CTNND2: variants seen among roughly 807,000 people sequenced by gnomAD.
CTNND2 encodes catenin delta 2.
CTNND2 carries 22 observed loss-of-function variants against 144.4 expected under a neutral mutation model. The observed-to-expected ratio is 0.15, with a 90% CI of 0.11 to 0.22. CTNND2 has a LOEUF of 0.22. Ranked by LOEUF, CTNND2 falls within the 10% of genes least tolerant of loss-of-function variation. The pLI is 1.00. For synonymous variants in CTNND2, 751 were observed against 695.6 expected, an observed-to-expected ratio of 1.08 and a Z score of -1.25; for missense variants, 1,353 against 1,618.8, an observed-to-expected ratio of 0.84 and a Z score of 2.82.
At chr5:11,489,432 A>G (rs1437090419) in intron 3 of CTNND2, among the ~76,000 whole-genome samples, 1 of 152,218 alleles carries the variant, frequency 6.6e-6, no homozygotes, top group Non-Finnish European at 1.5e-5. Context: ...TAAGACATAA[A>G]AATATGGCTG....
intron 9 of CTNND2, among the ~76,000 whole-genome samples, chr5:11,299,874 C>T (rs1288990088): frequency 1.3e-5 from 2 of 152,174 alleles, no homozygotes; most frequent in Non-Finnish European, 2.9e-5. Flanking sequence ...TAAGGGAGAT[C>T]TGGCAAAGGC....
At chr5:11,395,097 C>T (rs1759967428) in intron 6 of CTNND2, among the ~76,000 whole-genome samples, 1 of 152,108 alleles carries the variant, frequency 6.6e-6, no homozygotes. Flanking sequence ...AGTATCACAC[C>T]ACTCAAATAG....
At chr5:11,789,267 T>C (rs1791010214) in intron 1 of CTNND2, among the ~76,000 whole-genome samples, 1 of 152,222 alleles carries the variant, frequency 6.6e-6, no homozygotes, top group Non-Finnish European at 1.5e-5. Flanking sequence ...TGTGACTTTC[T>C]GAATCAATTT....
At chr5:11,531,525 C>G (rs1773743239) in intron 3 of CTNND2, among the ~76,000 whole-genome samples, 1 of 152,212 alleles carries the variant, frequency 6.6e-6, no homozygotes, top group East Asian at 1.9e-4. Context: ...ACCCAGGAGG[C>G]TGAGGCAGAA....
intron 3 of CTNND2, among the ~76,000 whole-genome samples, chr5:11,546,832 T>C (rs1328429904): frequency 6.6e-6 from 1 of 151,982 alleles, no homozygotes. Context: ...ATGTGAAAAA[T>C]TGACACAAGG....
At chr5:11,496,579 A>G (rs1294684595) in intron 3 of CTNND2, among the ~76,000 whole-genome samples, 1 of 152,156 alleles carries the variant, frequency 6.6e-6, no homozygotes, top group East Asian at 1.9e-4. Flanking sequence ...TGTGTATGAA[A>G]TATTACACAT....
intron 3 of CTNND2, among the ~76,000 whole-genome samples, chr5:11,504,434 T>G (rs986721789): frequency 2.0e-5 from 3 of 152,236 alleles, no homozygotes; most frequent in Non-Finnish European, 4.4e-5. Context: ...TTTCATCATG[T>G]CCCTGCACCA....
At chr5:11,012,707 G>A (rs1334756322) in intron 18 of CTNND2, among the ~76,000 whole-genome samples, 1 of 152,184 alleles carries the variant, frequency 6.6e-6, no homozygotes, top group Non-Finnish European at 1.5e-5. Context: ...TGGACCCCTG[G>A]CCATGCACTC....
chr5:11,097,882 C>T (rs1445794888), intron 15 of CTNND2, among the ~76,000 whole-genome samples: 1 of 152,150 alleles, frequency 6.6e-6, no homozygotes, highest in Non-Finnish European at 1.5e-5. Context: ...ATAGGTCAAA[C>T]TTTTTTATGC....
chr5:11,675,852 C>G (rs1213159394), intron 2 of CTNND2, among the ~76,000 whole-genome samples: 1 of 151,364 alleles, frequency 6.6e-6, no homozygotes, highest in Non-Finnish European at 1.5e-5. Context: ...TTGAAATGAT[C>G]TTCAATCTCT....
intron 9 of CTNND2, among the ~76,000 whole-genome samples, chr5:11,326,888 T>C (rs1049850597): frequency 2.0e-5 from 3 of 152,200 alleles, no homozygotes; most frequent in Non-Finnish European, 4.4e-5. Context: ...ATTCTGCATT[T>C]CGAACAGTGA....
chr5:11,585,098 C>A (rs1421240379), intron 2 of CTNND2, among the ~76,000 whole-genome samples: 1 of 152,158 alleles, frequency 6.6e-6, no homozygotes, highest in Non-Finnish European at 1.5e-5. Flanking sequence ...GAAGTCAAGG[C>A]ATTTGTGACA....
chr5:11,893,596 T>C (rs750663473), intron 1 of CTNND2, among the ~76,000 whole-genome samples: 48 of 152,338 alleles, frequency 3.2e-4, no homozygotes, highest in Middle Eastern at 3.4e-3. Flanking sequence ...TCCCAGCTCC[T>C]AGCTCATGAA....
In CTNND2 at chr5:11,732,154, G is replaced by C. The variant is rs201949668; in HGVS notation, c.156C>G (p.Leu52=). The change falls in exon 2 of 22, where the codon CTC becomes CTG. Residue 52 remains leucine (L), a synonymous_variant. Coordinates refer to ENST00000304623, the MANE Select transcript of CTNND2 (RefSeq NM_001332.4). ...GSETETTSAI[L]ASVKEQELQF... ...TTTCTACCTGTTCTTTGACTGAGGC[G>C]AGGATGGCAGAGGTGGTTTCTGTTT... 1 of 1,613,596 alleles carries C rather than the reference G, an allele frequency of 6.2e-7. No homozygotes were observed. The highest frequency in any genetic ancestry group is 1.1e-5 in the South Asian group (1 of 91,036).
At chr5:11,797,604 A>G (rs1791468068) in intron 1 of CTNND2, among the ~76,000 whole-genome samples, 1 of 152,248 alleles carries the variant, frequency 6.6e-6, no homozygotes, top group African/African-American at 2.4e-5. Context: ...TACTTGAATA[A>G]TTTAAATATA....
intron 10 of CTNND2, among the ~76,000 whole-genome samples, chr5:11,225,204 G>A (rs964959289): frequency 3.3e-5 from 5 of 152,046 alleles, no homozygotes; most frequent in African/African-American, 9.7e-5. Flanking sequence ...CCTGAACAGC[G>A]ACCACCAGTA....
intron 3 of CTNND2, among the ~76,000 whole-genome samples, chr5:11,419,676 C>T (rs896197368): frequency 2.0e-5 from 3 of 152,184 alleles, no homozygotes; most frequent in Non-Finnish European, 4.4e-5. Context: ...ATTTCCACCT[C>T]ATCATTCCAA....
chr5:11,379,383 C>T (rs530003319), intron 7 of CTNND2, among the ~76,000 whole-genome samples: 1 of 152,218 alleles, frequency 6.6e-6, no homozygotes, highest in South Asian at 2.1e-4. Flanking sequence ...GGGGTCAAAG[C>T]GACGTAGGTT....
chr5:11,687,994 T>C (rs115187627), intron 2 of CTNND2, among the ~76,000 whole-genome samples: 1,901 of 152,006 alleles, frequency 0.013, 40 homozygotes, highest in African/African-American at 0.044. Flanking sequence ...GTTTGGAGAA[T>C]AGAAAGGAGA....
Sources: gnomAD v4.1 joint callset for allele counts (sites outside exome capture counted in the v4.1 genomes callset) on GRCh38, gnomAD v4.1.1 for gene constraint, MANE v1.5 for transcripts, NCBI Gene and HGNC (gene_info 2026-07-23, HGNC 2026-07-21) for gene names.